BBX: variants seen among roughly 807,000 people sequenced by gnomAD.
BBX encodes BBX high mobility group box domain containing.
In BBX, 30 loss-of-function variants were observed where a neutral mutation model predicts 100.2. That is an observed-to-expected ratio of 0.30 (90% CI 0.22 to 0.41). The LOEUF is 0.41. Among genes scored for constraint, BBX ranks in the 10% least tolerant of loss-of-function variants. The probability of loss-of-function intolerance (pLI) is 1.00; values close to 1 mark genes in which losing one functional copy is unlikely to be tolerated. For missense variants in BBX, 1,023 were observed against 1,129.8 expected (o/e 0.91, Z 1.35); for synonymous variants, 376 against 388.1 (o/e 0.97, Z 0.37).
chr3:107,744,718 A>G lies in BBX; in HGVS notation c.750+8A>G, dbSNP rs368875249. 2 of 1,602,484 alleles carry G rather than the reference A, an allele frequency of 1.2e-6. No individual in the cohort carries two copies. Among genetic ancestry groups the G allele is most frequent in the South Asian group, 1.1e-5 (1 of 90,826 alleles). On this transcript the variant is annotated splice_region_variant and intron_variant, in intron 8 of 17. Transcript: ENST00000325805. The stretch of plus-strand genomic sequence containing the variant: ...TTGTTTCAGTTTGCCGAGGTAATAT[A>G]TTACAATTGATACTTAACTAATGAG...
rs2071140781 is a variant in BBX at position 107,807,909 on chromosome 3, A to G, written c.*2452A>G. 1 of 152,186 alleles carries G rather than the reference A, an allele frequency of 6.6e-6. No individual in the cohort carries two copies. The highest frequency in any genetic ancestry group is 1.5e-5 in the Non-Finnish European group (1 of 68,030). The allele number at this position is 152,186 out of a possible 1,614,324, so 9.4% of individuals were successfully genotyped here. On this transcript the variant is annotated 3_prime_UTR_variant, in exon 18 of 18. Transcript: ENST00000325805. ...ATGCTTAATTTTTAAGCGGTTAGGC[A>G]CTGAGAGTAGCAGAAATCCTGCAAA...
intron 2 of BBX, among the ~76,000 whole-genome samples, chr3:107,569,287 A>G (rs2051165271): frequency 6.6e-6 from 1 of 152,208 alleles, no homozygotes; most frequent in Non-Finnish European, 1.5e-5. Context: ...TAGTTCTCAT[A>G]TTGATATCTC....
chr3:107,685,771 ACT>A (rs773791626), intron 3 of BBX, among the ~76,000 whole-genome samples: 4 of 152,054 alleles, frequency 2.6e-5, no homozygotes, highest in Non-Finnish European at 4.4e-5. Flanking sequence ...TTCCAGTAAA[ACT>A]CTCAGTGCAG....
intron 2 of BBX, among the ~76,000 whole-genome samples, chr3:107,575,638 G>C (rs569689033): frequency 4.0e-4 from 60 of 151,804 alleles, no homozygotes; most frequent in Non-Finnish European, 7.5e-4. Flanking sequence ...CTTTAGAGAA[G>C]TATAGTTTCC....
Position 107,773,255 on chromosome 3 carries a change from C to T in BBX, c.1534C>T (p.Arg512Cys), listed in dbSNP as rs1456358837. Residue 512 changes from arginine to cysteine, a missense_variant, in exon 11 of 18, where the codon CGC becomes TGC. Arg to Cys is a radical substitution (Grantham distance 180). Around this residue, in one of 9 missense-constraint regions of BBX, gnomAD observed 348 missense variants for 353.2 expected, o/e 0.99. Coordinates refer to ENST00000325805, the MANE Select transcript of BBX (RefSeq NM_001142568.3). This position sits in a 1 kb window ranked among gnomAD's most constrained non-coding sequence, Gnocchi z 4.1. ...TGGAGATACCCCTCGCAAGAAGGTC[C>T]GCACATCCTCAAGTGGCAAGGGAAG... ...KLGDTPRKKV[R>C]TSSSGKGSIL... 14 of 1,613,890 alleles carry T rather than the reference C, an allele frequency of 8.7e-6. No individual in the cohort carries two copies. The highest frequency in any genetic ancestry group is 2.2e-5 in the South Asian group (2 of 91,072).
At chr3:107,616,638 A>G (rs1343778947) in intron 2 of BBX, among the ~76,000 whole-genome samples, 1 of 151,898 alleles carries the variant, frequency 6.6e-6, no homozygotes, top group East Asian at 1.9e-4. Flanking sequence ...TTGAATTTGC[A>G]TTTTTGTGAT....
chr3:107,679,745 C>CTTGTA (rs1281747331), intron 3 of BBX, among the ~76,000 whole-genome samples: 2 of 152,138 alleles, frequency 1.3e-5, no homozygotes, highest in African/African-American at 4.8e-5. Flanking sequence ...TTCCTCTGAA[C>CTTGTA]TTGTACTATG....
intron 2 of BBX, among the ~76,000 whole-genome samples, chr3:107,587,774 G>C (rs1337946111): frequency 6.6e-6 from 1 of 152,192 alleles, no homozygotes; most frequent in Non-Finnish European, 1.5e-5. Flanking sequence ...GGAGTTAACA[G>C]TCTGGTTGAG....
At position 107,545,030 on chromosome 3, in the gene BBX, T is replaced by A. The variant is rs530654809; in HGVS notation, c.-84+18632T>A. On this transcript the variant is annotated intron_variant, in intron 2 of 17. Transcript: ENST00000325805. ...GACTCCGTCTCAAAAAAAAAAAAAT[T>A]TTTTAAAAAGTAATAGAAATTAAGA... is the stretch of plus-strand genomic sequence containing the variant. Among the ~76,000 whole-genome samples the A allele has an allele frequency of 8.7e-3, 1,310 of 151,428 alleles. 25 individuals carry two copies. The highest frequency in any genetic ancestry group is 0.03 in the African/African-American group (1,248 of 41,384).
rs2057937473 is a variant in BBX, at chr3:107,653,081, C to T, written c.-10+7172C>T. Among the ~76,000 whole-genome samples the T allele has an allele frequency of 3.9e-5, 6 of 152,170 alleles. No individual in the cohort carries two copies. The South Asian group carries it at 1.2e-3, about 31-fold the overall frequency. ...CACTGAACTTGGTGTTGATAAGCAT[C>T]TCCTGGTCTACATGGAAATTTTTCC... is the stretch of plus-strand genomic sequence containing the variant. On this transcript the variant is annotated intron_variant, in intron 3 of 17. Coordinates refer to ENST00000325805, the MANE Select transcript of BBX (RefSeq NM_001142568.3).
intron 2 of BBX, among the ~76,000 whole-genome samples, chr3:107,623,759 C>A (rs2055956062): frequency 6.6e-6 from 1 of 152,118 alleles, no homozygotes; most frequent in African/African-American, 2.4e-5. Flanking sequence ...TTAATATAAA[C>A]CTGCCTTTGG....
chr3:107,724,157 G>A lies in BBX; in HGVS notation c.406-4608G>A, dbSNP rs538539376. Reference sequence around the variant, plus strand: ...GGTTTTGATTTGCATTTCTCTGATGGCCAGTGATGGTGAGCATTTTTTCAT... The same window carrying A: ...GGTTTTGATTTGCATTTCTCTGATGACCAGTGATGGTGAGCATTTTTTCAT... On this transcript the variant is annotated intron_variant, in intron 5 of 17. Transcript: ENST00000325805. Among the ~76,000 whole-genome samples, 5 of 152,270 alleles carry A rather than the reference G, an allele frequency of 3.3e-5. No homozygotes were observed. The South Asian group carries it at 1.0e-3, about 32-fold the overall frequency.
intron 10 of BBX, among the ~76,000 whole-genome samples, chr3:107,762,493 C>G (rs1464511121): frequency 1.3e-5 from 2 of 152,216 alleles, no homozygotes; most frequent in African/African-American, 4.8e-5. Context: ...GTATATTTCT[C>G]TGGCACAAGC....
At chr3:107,755,422 C>G (rs752264274) in intron 9 of BBX, among the ~76,000 whole-genome samples, 176 bp from the exon 10 acceptor site, 1 of 152,122 alleles carries the variant, frequency 6.6e-6, no homozygotes, top group Non-Finnish European at 1.5e-5. Context: ...TTTTTGAGGT[C>G]ATTTACTAAA....
intron 15 of BBX, among the ~76,000 whole-genome samples, chr3:107,791,755 T>G (rs2069071018): frequency 1.3e-5 from 2 of 152,140 alleles, no homozygotes; most frequent in Non-Finnish European, 2.9e-5. Flanking sequence ...GTAATCCTAG[T>G]ACCTCGGGAG....
chr3:107,612,516 T>A (rs1279431432), intron 2 of BBX, among the ~76,000 whole-genome samples: 1 of 152,212 alleles, frequency 6.6e-6, no homozygotes, highest in Non-Finnish European at 1.5e-5. Flanking sequence ...ACCTTGGTGA[T>A]CTCGGATAAG....
At chr3:107,577,926 TA>T (rs1468124557) in intron 2 of BBX, among the ~76,000 whole-genome samples, 1 of 152,152 alleles carries the variant, frequency 6.6e-6, no homozygotes, top group Non-Finnish European at 1.5e-5. Context: ...GGTTTTCAAA[TA>T]TCAATAAGGC....
In BBX at chr3:107,773,995, G is replaced by A. The variant is rs984862899; in HGVS notation, c.1915+359G>A. On this transcript the variant is annotated intron_variant, in intron 11 of 17. Coordinates refer to ENST00000325805, the MANE Select transcript of BBX (RefSeq NM_001142568.3). This position sits in a 1 kb window ranked among gnomAD's most constrained non-coding sequence, Gnocchi z 4.1. ...TGGTGGAATTTCGAGAATCAAGCAC[G>A]TATGTTTGTCAGAATCTTCACCTGT... Among the ~76,000 whole-genome samples the A allele has an allele frequency of 1.3e-5, 2 of 152,096 alleles. No homozygotes were observed. The highest frequency in any genetic ancestry group is 4.8e-5 in the African/African-American group (2 of 41,408).
chr3:107,638,051 C>T (rs1172974042), intron 2 of BBX, among the ~76,000 whole-genome samples: 1 of 152,092 alleles, frequency 6.6e-6, no homozygotes, highest in Non-Finnish European at 1.5e-5. Context: ...GTAACTGGTA[C>T]TAACTACAGG....
Sources: allele counts gnomAD v4.1 joint callset (sites outside exome capture counted in the v4.1 genomes callset), GRCh38; gene constraint gnomAD v4.1.1; regional missense constraint gnomAD v4.1.1; non-coding constraint Gnocchi (gnomAD v3.1); transcripts MANE v1.5; gene names NCBI Gene and HGNC (gene_info 2026-07-23, HGNC 2026-07-21).